The following RFX8 variants were observed in gnomAD, a reference collection of about 807,000 sequenced individuals.
The protein encoded by RFX8 is DNA-binding protein RFX8.
In RFX8, 46 loss-of-function variants were observed where a neutral mutation model predicts 54.6. That is an observed-to-expected ratio of 0.84 (90% confidence interval 0.67 to 1.08). RFX8 has a LOEUF of 1.08. Ranked by LOEUF, RFX8 falls within the 50% of genes least tolerant of loss-of-function variation. The pLI, the probability that RFX8 is intolerant of heterozygous loss-of-function variation, is 0.00. For synonymous variants in RFX8, 192 were observed against 209.5 expected (o/e 0.92, Z 0.72); for missense variants, 536 against 562.3 (o/e 0.95, Z 0.47).
At chr2:101,426,345 A>T (rs994040296) in intron 2 of RFX8, among the ~76,000 whole-genome samples, 5 of 150,560 alleles carry the variant, frequency 3.3e-5, no homozygotes, top group African/African-American at 9.8e-5. Flanking sequence ...ACAAAAAATT[A>T]AAAAAAAACA....
At chr2:101,428,136 A>G (rs576439383) in intron 2 of RFX8, among the ~76,000 whole-genome samples, 1 of 152,286 alleles carries the variant, frequency 6.6e-6, no homozygotes, top group African/African-American at 2.4e-5. Flanking sequence ...TCTACGAAAA[A>G]TACAAAAATT....
At chr2:101,427,938 A>C (rs762091546) in intron 2 of RFX8, among the ~76,000 whole-genome samples, 4 of 152,192 alleles carry the variant, frequency 2.6e-5, no homozygotes, top group Non-Finnish European at 5.9e-5. Context: ...TGTCAACAAG[A>C]CAGTATCTGT....
intron 2 of RFX8, among the ~76,000 whole-genome samples, chr2:101,425,638 A>AT (rs3832167): frequency 0.98 from 149,493 of 152,288 alleles, 73,497 homozygotes; most frequent in Middle Eastern, 1. Flanking sequence ...CCTGAAGTCA[A>AT]TCCCTGAGGT....
intron 2 of RFX8, among the ~76,000 whole-genome samples, chr2:101,451,544 C>T (rs1325654172): frequency 6.6e-6 from 1 of 151,752 alleles, no homozygotes; most frequent in Non-Finnish European, 1.5e-5. Flanking sequence ...AAAAAATAAG[C>T]CGGGCGTGGT....
At chr2:101,403,928 C>T (rs1450230271) in intron 10 of RFX8, among the ~76,000 whole-genome samples, 1 of 152,158 alleles carries the variant, frequency 6.6e-6, no homozygotes, top group Non-Finnish European at 1.5e-5. Context: ...ATACTATAGA[C>T]AGAAAATAAT....
chr2:101,413,059 C>A lies in RFX8; in HGVS notation c.574G>T (p.Val192Leu). The A allele has an allele frequency of 6.4e-7, 1 of 1,551,876 alleles. No homozygotes were observed. Residue 192 changes from valine to leucine, a missense_variant, in exon 8 of 12, where the codon GTA (valine) becomes TTA (leucine). Coordinates refer to ENST00000428343, the MANE Select transcript of RFX8 (RefSeq NM_001145664.2). ...CTGACACGCCTCTTACTTTTCAATA[C>A]CATTCGCATAGTCTAAAGATAACAG... ...LSNMAKTMRM[V>L]LKSKRRVSVL...
chr2:101,431,137 TCC>T (rs1558863563), intron 2 of RFX8, among the ~76,000 whole-genome samples: 3 of 142,624 alleles, frequency 2.1e-5, no homozygotes, highest in African/African-American at 7.6e-5. Flanking sequence ...CAACCAACCA[TCC>T]ATCCATCCAA....
chr2:101,435,364 C>A (rs1054301451), intron 2 of RFX8, among the ~76,000 whole-genome samples: 1 of 152,174 alleles, frequency 6.6e-6, no homozygotes, highest in Admixed American at 6.5e-5. Context: ...CACATATCCC[C>A]AAGGGAAACC....
intron 9 of RFX8, among the ~76,000 whole-genome samples, chr2:101,407,643 G>A (rs567987320): frequency 1.3e-5 from 2 of 152,174 alleles, no homozygotes; most frequent in Admixed American, 1.3e-4. Flanking sequence ...AGTGAGCTGA[G>A]ATTGCGCCGC....
intron 6 of RFX8, among the ~76,000 whole-genome samples, chr2:101,415,150 C>T (rs1313803814): frequency 6.6e-6 from 1 of 152,116 alleles, no homozygotes; most frequent in Non-Finnish European, 1.5e-5. Flanking sequence ...GACATGCGTG[C>T]TACTATGATC....
At chr2:101,419,979 C>A (rs1460186500) in intron 4 of RFX8, among the ~76,000 whole-genome samples, 1 of 152,206 alleles carries the variant, frequency 6.6e-6, no homozygotes, top group African/African-American at 2.4e-5. Context: ...AGTCACCAAA[C>A]CCTGTTGCGC....
At chr2:101,403,032 C>T (rs1685538784) in intron 10 of RFX8, among the ~76,000 whole-genome samples, 1 of 152,156 alleles carries the variant, frequency 6.6e-6, no homozygotes. Flanking sequence ...AAAGCAAACC[C>T]TACAGGGAAC....
chr2:101,433,778 C>T (rs1309292902), intron 2 of RFX8, among the ~76,000 whole-genome samples: 1 of 152,124 alleles, frequency 6.6e-6, no homozygotes. Context: ...ATACTTGTTC[C>T]GTGTCAGATT....
chr2:101,403,338 C>G (rs993126721), intron 10 of RFX8, among the ~76,000 whole-genome samples: 1 of 152,168 alleles, frequency 6.6e-6, no homozygotes, highest in African/African-American at 2.4e-5. Context: ...TGTGACTTAG[C>G]TGAATGCTCC....
At chr2:101,417,314 C>T (rs1401082654) in intron 6 of RFX8, among the ~76,000 whole-genome samples, 3 of 152,192 alleles carry the variant, frequency 2.0e-5, no homozygotes, top group Admixed American at 6.5e-5. Context: ...AAGTGATCTT[C>T]CCGCCTCAGC....
At chr2:101,414,429 CT>C (rs1479107439) in intron 7 of RFX8, among the ~76,000 whole-genome samples, 1 of 101,728 alleles carries the variant, frequency 9.8e-6, no homozygotes, top group African/African-American at 3.7e-5. Context: ...CCATGCCCAG[CT>C]AGTTTTTGTA....
chr2:101,444,132 CCCT>C (rs528014812), intron 2 of RFX8, among the ~76,000 whole-genome samples: 56 of 152,214 alleles, frequency 3.7e-4, no homozygotes, highest in Admixed American at 7.2e-4. Flanking sequence ...CCTGATGCCT[CCCT>C]CCTTACACCA....
rs1284217153 is a variant in RFX8, at chr2:101,406,173, G to A, written c.814-116C>T. The A allele has an allele frequency of 5.1e-6, 3 of 587,426 alleles. No homozygotes were observed. The Admixed American group carries it at 1.0e-4, about 20-fold the overall frequency. 36.4% of individuals were successfully genotyped at this position (587,426 alleles called of 1,614,324 possible). On this transcript the variant is annotated intron_variant, in intron 9 of 11. Coordinates refer to ENST00000428343, the MANE Select transcript of RFX8 (RefSeq NM_001145664.2). Reference sequence around the variant, plus strand: ...CGCATTTTTAAAGAGCCAAAGAAGAGGAAGATGAAATAACAAAAGCGGGAA... The same window carrying A: ...CGCATTTTTAAAGAGCCAAAGAAGAAGAAGATGAAATAACAAAAGCGGGAA...
At chr2:101,474,240 G>T (rs1388048527) in intron 1 of RFX8, 1 of 615,488 alleles carries the variant, frequency 1.6e-6, no homozygotes, top group Admixed American at 2.7e-5. Flanking sequence ...GGCTACCCTC[G>T]CCGCTCGACG....
Sources: gnomAD v4.1 joint callset for allele counts (sites outside exome capture counted in the v4.1 genomes callset) on GRCh38, gnomAD v4.1.1 for gene constraint, MANE v1.5 for transcripts, NCBI Gene and HGNC (gene_info 2026-07-23, HGNC 2026-07-21) for gene names.